The following NCAM2 variants were observed in gnomAD, a reference collection of about 807,000 sequenced individuals.
NCAM2 encodes the protein neural cell adhesion molecule 2.
Under a neutral mutation model 98.1 loss-of-function variants are expected in NCAM2, and 30 were observed. The ratio of observed to expected loss-of-function variants is 0.31; its 90% CI spans 0.23 to 0.41. NCAM2 has a LOEUF of 0.41. NCAM2 is among the 10% of genes least tolerant of loss of function. NCAM2 has a pLI of 1.00. For synonymous variants in NCAM2, 368 were observed against 342.4 expected, an observed-to-expected ratio of 1.07 and a Z score of -0.83; for missense variants, 867 against 1,005.8, an observed-to-expected ratio of 0.86 and a Z score of 1.87.
At chr21:21,522,614 TTTTTTC>T (rs1040357999) in intron 16 of NCAM2, among the ~76,000 whole-genome samples, 3 of 128,712 alleles carry the variant, frequency 2.3e-5, no homozygotes, top group Non-Finnish European at 3.2e-5. Context: ...AACAAGTTCT[TTTTTTC>T]TTTTTCTTTT....
intron 15 of NCAM2, among the ~76,000 whole-genome samples, chr21:21,503,992 T>G (rs1267754416): frequency 1.3e-5 from 2 of 151,938 alleles, no homozygotes; most frequent in Non-Finnish European, 2.9e-5. Flanking sequence ...TGTTTTTCAT[T>G]TAAATAGTTG....
chr21:21,075,846 G>A (rs969204147), intron 1 of NCAM2, among the ~76,000 whole-genome samples: 1 of 152,128 alleles, frequency 6.6e-6, no homozygotes, highest in Admixed American at 6.5e-5. Flanking sequence ...GCCGGGTGTG[G>A]TGGCTCACGC....
chr21:21,253,922 T>G (rs1047801141), intron 1 of NCAM2, among the ~76,000 whole-genome samples: 3 of 152,178 alleles, frequency 2.0e-5, no homozygotes, highest in Non-Finnish European at 4.4e-5. Flanking sequence ...CAGTGAAATA[T>G]CCTTGATTTT....
intron 13 of NCAM2, among the ~76,000 whole-genome samples, chr21:21,467,140 G>A (rs2250278): frequency 0.56 from 84,697 of 151,624 alleles, 25,022 homozygotes; most frequent in African/African-American, 0.7. Context: ...CTAAGTGTCA[G>A]AAAAGGAATC....
At chr21:21,294,234 T>G (rs1260027030) in intron 5 of NCAM2, among the ~76,000 whole-genome samples, 1 of 151,814 alleles carries the variant, frequency 6.6e-6, no homozygotes, top group Non-Finnish European at 1.5e-5. Context: ...TACATTCATT[T>G]TAAAGAAATG....
At chr21:21,176,865 G>A (rs2068306836) in intron 1 of NCAM2, among the ~76,000 whole-genome samples, 1 of 151,242 alleles carries the variant, frequency 6.6e-6, no homozygotes. Flanking sequence ...ACTGTTTGTT[G>A]ATGGAATAGT....
At chr21:21,073,428 G>C (rs761537699) in intron 1 of NCAM2, among the ~76,000 whole-genome samples, 3 of 152,004 alleles carry the variant, frequency 2.0e-5, no homozygotes, top group Non-Finnish European at 4.4e-5. Flanking sequence ...ATTTTTTTCA[G>C]CATGTTACTT....
intron 1 of NCAM2, among the ~76,000 whole-genome samples, chr21:21,273,058 G>A (rs2072588236): frequency 6.6e-6 from 1 of 151,702 alleles, no homozygotes; most frequent in Admixed American, 6.6e-5. Context: ...AGGAGATGGT[G>A]GGCATATAGA....
At chr21:21,454,494 G>A (rs1602392341) in intron 12 of NCAM2, among the ~76,000 whole-genome samples, 1 of 152,064 alleles carries the variant, frequency 6.6e-6, no homozygotes, top group Middle Eastern at 3.4e-3. Flanking sequence ...ATACGAACCT[G>A]TGTCATGCAA....
At chr21:21,192,734 C>G (rs535439310) in intron 1 of NCAM2, among the ~76,000 whole-genome samples, 1 of 152,166 alleles carries the variant, frequency 6.6e-6, no homozygotes, top group Admixed American at 6.5e-5. Context: ...AACAAAACAA[C>G]CGTGAGTGAA....
intron 16 of NCAM2, among the ~76,000 whole-genome samples, chr21:21,512,078 G>A (rs184869586): frequency 6.6e-6 from 1 of 151,714 alleles, no homozygotes; most frequent in African/African-American, 2.4e-5. Flanking sequence ...GTTTCCTTTA[G>A]TGTTCAGAAG....
chr21:21,233,107 A>G (rs1011073085), intron 1 of NCAM2, among the ~76,000 whole-genome samples: 1 of 151,448 alleles, frequency 6.6e-6, no homozygotes, highest in Non-Finnish European at 1.5e-5. Flanking sequence ...TTCCTTCTGT[A>G]TTAAGTTTTT....
At chr21:21,270,360 C>T (rs2072445821) in intron 1 of NCAM2, among the ~76,000 whole-genome samples, 1 of 152,126 alleles carries the variant, frequency 6.6e-6, no homozygotes, top group Non-Finnish European at 1.5e-5. Context: ...TGACTCATGA[C>T]TCAGACAACG....
chr21:21,423,502 G>C (rs2077154716), intron 11 of NCAM2, among the ~76,000 whole-genome samples: 1 of 152,104 alleles, frequency 6.6e-6, no homozygotes, highest in South Asian at 2.1e-4. Context: ...AAGGACCAAG[G>C]CTTAGTAAAA....
chr21:21,508,548 A>G (rs1433162324), intron 15 of NCAM2, among the ~76,000 whole-genome samples: 5 of 151,996 alleles, frequency 3.3e-5, no homozygotes, highest in Non-Finnish European at 5.9e-5. Context: ...TTCAAGAGGT[A>G]TATTTAAAAG....
chr21:21,177,460 G>A (rs973494915), intron 1 of NCAM2, among the ~76,000 whole-genome samples: 8 of 151,908 alleles, frequency 5.3e-5, no homozygotes, highest in Admixed American at 1.3e-4. Flanking sequence ...TTATTAATTA[G>A]CATTACCAAA....
At chr21:21,082,680 A>G (rs2065832202) in intron 1 of NCAM2, among the ~76,000 whole-genome samples, 1 of 152,176 alleles carries the variant, frequency 6.6e-6, no homozygotes, top group South Asian at 2.1e-4. Context: ...TTTGATGCCA[A>G]CTGAAGGTTT....
chr21:21,143,120 G>T lies in NCAM2; in HGVS notation c.56-137458G>T, dbSNP rs182103139. On this transcript the variant is annotated intron_variant, in intron 1 of 17. Coordinates refer to ENST00000400546, the MANE Select transcript of NCAM2 (RefSeq NM_004540.5). ...ACACATACCAAGTTACTGTTCATCG[G>T]GATTTTAACATTTTTTTGTCTCACT... 2.5e-3 allele frequency among the ~76,000 whole-genome samples: 382 copies of T among 152,180 alleles called. 1 individual carries two copies. Among genetic ancestry groups the T allele is most frequent in the African/African-American group, 8.8e-3 (366 of 41,520 alleles).
At chr21:21,047,089 G>C (rs2065020396) in intron 1 of NCAM2, among the ~76,000 whole-genome samples, 2 of 104,300 alleles carry the variant, frequency 1.9e-5, no homozygotes, top group Admixed American at 2.1e-4. Flanking sequence ...CTTGTGTTGT[G>C]TACGAGTTAG....
Sources: gnomAD v4.1 joint callset for allele counts (sites outside exome capture counted in the v4.1 genomes callset) on GRCh38, gnomAD v4.1.1 for gene constraint, MANE v1.5 for transcripts, NCBI Gene and HGNC (gene_info 2026-07-23, HGNC 2026-07-21) for gene names.